NUP205: variants seen among roughly 807,000 people sequenced by gnomAD.
NUP205 encodes the protein nuclear pore complex protein Nup205.
A neutral mutation model predicts 253.8 loss-of-function variants in NUP205; 76 were observed. That is an observed-to-expected ratio of 0.30 (90% CI 0.25 to 0.36). NUP205 has a LOEUF of 0.36. Ranked by LOEUF, NUP205 falls within the 10% of genes least tolerant of loss-of-function variation. The probability of loss-of-function intolerance (pLI) is 1.00; values close to 1 mark genes in which losing one functional copy is unlikely to be tolerated. For synonymous variants in NUP205, 832 were observed against 850.1 expected (o/e 0.98, Z 0.37); for missense variants, 2,162 against 2,425.5 (o/e 0.89, Z 2.28).
At chr7:135,636,683 A>G (rs1333591462) in intron 36 of NUP205, among the ~76,000 whole-genome samples, 2 of 152,108 alleles carry the variant, frequency 1.3e-5, no homozygotes, top group Admixed American at 6.6e-5. Context: ...AGTTTATATT[A>G]TAGTCTCATT....
chr7:135,616,770 T>C (rs773479180), intron 25 of NUP205, 44 bp downstream of exon 25: 15 of 1,164,966 alleles, frequency 1.3e-5, no homozygotes, highest in Non-Finnish European at 1.5e-5. Context: ...TATAGACATA[T>C]ATTAAAAAAA....
At chr7:135,611,017 T>G (rs76033921) in intron 22 of NUP205, among the ~76,000 whole-genome samples, 54 of 151,160 alleles carry the variant, frequency 3.6e-4, no homozygotes, top group Non-Finnish European at 6.3e-4. Context: ...TTTTTTTTTT[T>G]GGGTGGGGGA....
intron 7 of NUP205, among the ~76,000 whole-genome samples, chr7:135,579,984 C>T (rs977855240): frequency 6.6e-6 from 1 of 152,098 alleles, no homozygotes; most frequent in Non-Finnish European, 1.5e-5. Flanking sequence ...CTCACTGTAG[C>T]ATATATTATT....
chr7:135,623,707 C>G (rs7795267), intron 31 of NUP205, among the ~76,000 whole-genome samples: 22,432 of 152,172 alleles, frequency 0.15, 1,738 homozygotes, highest in East Asian at 0.19. Flanking sequence ...GCAATTAAAT[C>G]ATGTTTTTGA....
At chr7:135,583,586 C>G (rs928481670) in intron 7 of NUP205, among the ~76,000 whole-genome samples, 3 of 151,866 alleles carry the variant, frequency 2.0e-5, no homozygotes, top group Admixed American at 1.3e-4. Context: ...ATGTTGAAAC[C>G]CTGTCTCTAC....
At chr7:135,603,318 T>C (rs1794004585) in intron 18 of NUP205, among the ~76,000 whole-genome samples, 1 of 151,764 alleles carries the variant, frequency 6.6e-6, no homozygotes, top group African/African-American at 2.4e-5. Flanking sequence ...TTTCACCATG[T>C]TGGTGAGGCT....
intron 33 of NUP205, 147 bp downstream of exon 33, chr7:135,626,508 C>T (rs978943140): frequency 5.1e-6 from 4 of 779,174 alleles, no homozygotes; most frequent in Non-Finnish European, 7.9e-6. Context: ...CTGTCATTTA[C>T]TAATAAATGG....
intron 1 of NUP205, among the ~76,000 whole-genome samples, chr7:135,564,989 G>A (rs1468413575): frequency 1.3e-5 from 2 of 151,988 alleles, no homozygotes; most frequent in Non-Finnish European, 2.9e-5. Flanking sequence ...GGCTGGTCTC[G>A]AACTCCTGAC....
chr7:135,567,532 C>T (rs1805818524), intron 1 of NUP205, among the ~76,000 whole-genome samples: 1 of 150,992 alleles, frequency 6.6e-6, no homozygotes, highest in Non-Finnish European at 1.5e-5. Flanking sequence ...TATCTCTTGA[C>T]CCCAGGAAGT....
In NUP205 at chr7:135,619,480, A is replaced by G; in HGVS notation, c.4021A>G (p.Thr1341Ala). 2 of 1,613,878 alleles carry G rather than the reference A, an allele frequency of 1.2e-6. 1 individual carries two copies. Among genetic ancestry groups the G allele is most frequent in the South Asian group, 2.2e-5 (2 of 91,056 alleles). ...LMPVVAGAVF[T>A]LTAHLSQAVL... ...GCCTGTGGTCGCCGGGGCAGTGTTC[A>G]CACTGACTGCTCACCTAAGCCAGGC... Residue 1341 changes from threonine (T) to alanine (A), a missense_variant, in exon 29 of 43, where the codon ACA becomes GCA. Thr to Ala is a moderately conservative substitution (Grantham distance 58, BLOSUM62 0). Coordinates refer to ENST00000285968, the MANE Select transcript of NUP205 (RefSeq NM_015135.3).
chr7:135,592,897 A>T, intron 11 of NUP205, 90 bp from the exon 12 acceptor site: 6 of 995,326 alleles, frequency 6.0e-6, no homozygotes, highest in Non-Finnish European at 9.1e-6. Flanking sequence ...AAAAGAAAAA[A>T]GTATATTGTT....
At chr7:135,562,642 A>C (rs1584631053) in intron 1 of NUP205, among the ~76,000 whole-genome samples, 1 of 142,906 alleles carries the variant, frequency 7.0e-6, no homozygotes, top group Non-Finnish European at 1.5e-5. Context: ...CTGCCTCCCA[A>C]GTTCAAGCGA....
intron 11 of NUP205, among the ~76,000 whole-genome samples, chr7:135,592,541 C>G (rs1235269180): frequency 6.6e-6 from 1 of 152,198 alleles, no homozygotes; most frequent in African/African-American, 2.4e-5. Flanking sequence ...TTTCAGCACA[C>G]CGCTTATGCA....
chr7:135,620,018 G>A (rs1794444099), intron 30 of NUP205, 130 bp downstream of exon 30: 2 of 650,134 alleles, frequency 3.1e-6, no homozygotes, highest in Non-Finnish European at 5.4e-6. Flanking sequence ...CATTTTTAAA[G>A]CATTTACTCA....
intron 1 of NUP205, among the ~76,000 whole-genome samples, chr7:135,562,545 C>CTTTTT (rs34482653): frequency 1.6e-4 from 16 of 97,408 alleles, no homozygotes; most frequent in Admixed American, 2.7e-4. Flanking sequence ...GACCAAAATC[C>CTTTTT]TTTTTTTTTT....
chr7:135,619,994 A>C (rs1037703006), intron 30 of NUP205, 106 bp downstream of exon 30: 7 of 752,054 alleles, frequency 9.3e-6, no homozygotes, highest in Non-Finnish European at 1.4e-5. Flanking sequence ...ACTGTAAAAA[A>C]TGAGTGTTAG....
intron 12 of NUP205, among the ~76,000 whole-genome samples, chr7:135,593,798 A>T (rs951354287): frequency 6.6e-6 from 1 of 152,198 alleles, no homozygotes; most frequent in Admixed American, 6.5e-5. Context: ...GTCAGTTATT[A>T]ACTATTTCTC....
chr7:135,581,836 G>T (rs1449035062), intron 7 of NUP205, among the ~76,000 whole-genome samples: 1 of 151,472 alleles, frequency 6.6e-6, no homozygotes. Context: ...CTGGGTGACA[G>T]AGTGAAACTC....
intron 1 of NUP205, among the ~76,000 whole-genome samples, chr7:135,562,417 C>T (rs541068260): frequency 1.3e-5 from 2 of 151,734 alleles, no homozygotes; most frequent in African/African-American, 2.4e-5. Context: ...AGGGGTGCCT[C>T]GAATTTCTGA....
Sources: gnomAD v4.1 joint callset for allele counts (sites outside exome capture counted in the v4.1 genomes callset) on GRCh38, gnomAD v4.1.1 for gene constraint, MANE v1.5 for transcripts, NCBI Gene and HGNC (gene_info 2026-07-23, HGNC 2026-07-21) for gene names.